The following POLE variants were observed in gnomAD, a reference collection of about 807,000 sequenced individuals.
The protein encoded by POLE is DNA polymerase epsilon, catalytic subunit, also known as DNA polymerase epsilon catalytic subunit A.
POLE carries 188 observed loss-of-function variants against 279.2 expected under a neutral mutation model. The observed-to-expected ratio is 0.67, with a 90% confidence interval of 0.60 to 0.76. The LOEUF (loss-of-function observed/expected upper bound fraction) is 0.76, where lower values mean the gene tolerates loss of function less well. Among genes scored for constraint, POLE ranks in the 30% least tolerant of loss-of-function variants. POLE has a pLI of 0.00. For missense variants in POLE, 2,703 were observed against 3,016.7 expected, an observed-to-expected ratio of 0.90 and a Z score of 2.44; for synonymous variants, 1,214 against 1,172.5, an observed-to-expected ratio of 1.04 and a Z score of -0.72.
rs2135977079 is a variant in POLE at position 132,668,567 on chromosome 12, G to A, written c.2027-65C>T. On this transcript the variant is annotated intron_variant, in intron 18 of 48. Transcript: ENST00000320574. This position sits in a 1 kb window ranked among gnomAD's most constrained non-coding sequence, Gnocchi z 4.0. ...CAGACACACCGGCTTCCCACCAAGT[G>A]GAGAAAGGCGGCCGACACTCACCCA... The A allele has an allele frequency of 6.9e-6, 11 of 1,583,800 alleles. No individual in the cohort carries two copies. The highest frequency in any genetic ancestry group is 1.1e-5 in the South Asian group (1 of 88,904).
At chr12:132,638,921 C>G in intron 40 of POLE, 1 of 581,946 alleles carries the variant, frequency 1.7e-6, no homozygotes, top group Non-Finnish European at 3.1e-6. Context: ...GAGGTGCCAC[C>G]TAGTGTTCTC....
chr12:132,642,714 G>GC lies in POLE; in HGVS notation c.4743dup (p.Pro1582AlafsTer18), dbSNP rs1593731554. 6.2e-7 allele frequency: 1 copy of GC among 1,613,542 alleles called. No homozygotes were observed. The highest frequency in any genetic ancestry group is 8.5e-7 in the Non-Finnish European group (1 of 1,179,746). On this transcript the variant is annotated frameshift_variant, in exon 37 of 49. Transcript: ENST00000320574. LOFTEE classifies it high-confidence loss of function. ...CTGGACTGAACAGCGATGAGTGTGG[G>GC]CCCCCGGCGCTCCTCCTGGGTCAAG...
At chr12:132,646,589 T>C (rs1472188433) in intron 32 of POLE, among the ~76,000 whole-genome samples, 4 of 150,910 alleles carry the variant, frequency 2.7e-5, no homozygotes, top group Non-Finnish European at 5.9e-5. Context: ...CCCAGCACTT[T>C]GGGAGGCCGA....
chr12:132,643,487 A>G lies in POLE; in HGVS notation c.4364T>C (p.Leu1455Pro). 1 of 1,614,194 alleles carries G rather than the reference A, an allele frequency of 6.2e-7. No individual in the cohort carries two copies. The highest frequency in any genetic ancestry group is 1.7e-4 in the Middle Eastern group (1 of 6,060). ...CVVNKQLVRH[L>P]SGWEAETFAL... ...AAAGGTCTCTGCTTCCCAGCCTGAA[A>G]GGTGCCTCACCAGCTGTTTATTGAC... Residue 1455 changes from leucine (L) to proline (P), a missense_variant, in exon 34 of 49, where the codon CTT becomes CCT. Physicochemically the swap from Leu to Pro is moderately conservative, Grantham distance 98 (BLOSUM62 -3). Coordinates refer to ENST00000320574, the MANE Select transcript of POLE (RefSeq NM_006231.4).
Position 132,642,666 on chromosome 12 carries a change from T to G in POLE, c.4792A>C (p.Ser1598Arg), listed in dbSNP as rs776538943. ...AATTCCTCCAAGACAGGAATTTCAC[T>G]GGCCAGCCTCTTCAGCTCCCAGCTG... is the stretch of plus-strand genomic sequence containing the variant. ...QSSWELKRLASEIPVLEEFPL... is the reference protein window; with the variant it reads ...QSSWELKRLAREIPVLEEFPL... Residue 1598 changes from serine to arginine, a missense_variant, in exon 37 of 49, where the codon AGT (serine) becomes CGT (arginine). Around this residue, in one of 5 missense-constraint regions of POLE, gnomAD observed 1,551 missense variants for 1,686.1 expected, o/e 0.92. Coordinates refer to ENST00000320574, the MANE Select transcript of POLE (RefSeq NM_006231.4). 39 of 1,613,282 alleles carry G rather than the reference T, an allele frequency of 2.4e-5. No homozygotes were observed. Among genetic ancestry groups the G allele is most frequent in the Non-Finnish European group, 3.1e-5 (37 of 1,180,026 alleles).
intron 39 of POLE, among the ~76,000 whole-genome samples, chr12:132,640,791 T>C (rs1026957019): frequency 2.0e-5 from 3 of 152,184 alleles, no homozygotes; most frequent in African/African-American, 7.2e-5. Flanking sequence ...GAGCGGCAGT[T>C]TGGGTATCTG....
chr12:132,683,348 G>C (rs567685517), intron 1 of POLE, among the ~76,000 whole-genome samples: 1 of 152,268 alleles, frequency 6.6e-6, no homozygotes, highest in African/African-American at 2.4e-5. Flanking sequence ...GAGAGGAGAT[G>C]CAACCCTTGG....
chr12:132,642,422 C>T (rs781026935), intron 37 of POLE, 25 bp from the exon 38 acceptor site: 66 of 1,591,280 alleles, frequency 4.1e-5, no homozygotes, highest in Middle Eastern at 1.7e-4. Flanking sequence ...AGGTCAGCAC[C>T]GGGGCACATC....
At chr12:132,686,652 T>C (rs1200640488) in intron 1 of POLE, among the ~76,000 whole-genome samples, 1 of 151,988 alleles carries the variant, frequency 6.6e-6, no homozygotes, top group African/African-American at 2.4e-5. Context: ...GCGGGATCGC[T>C]TGAACCCGGG....
chr12:132,667,918 C>T (rs745640672), intron 19 of POLE, among the ~76,000 whole-genome samples: 66 of 151,904 alleles, frequency 4.3e-4, no homozygotes, highest in Non-Finnish European at 7.4e-4. Flanking sequence ...CCCATCTCTA[C>T]AAAAAATACA....
intron 45 of POLE, among the ~76,000 whole-genome samples, chr12:132,628,822 A>G (rs1464405471): frequency 2.0e-5 from 3 of 152,242 alleles, no homozygotes; most frequent in African/African-American, 7.2e-5. Context: ...CCACATCTGC[A>G]GTCACGCCTC....
Position 132,641,845 on chromosome 12 carries a change from A to G in POLE, c.5180T>C (p.Val1727Ala). The G allele has an allele frequency of 6.3e-7, 1 of 1,599,862 alleles. No individual in the cohort carries two copies. Among genetic ancestry groups the G allele is most frequent in the Non-Finnish European group, 8.5e-7 (1 of 1,179,824 alleles). ...NSSGCYSTVC[V>A]ELDLQNLAVN... ...GGCCAGGTTCTGAAGGTCCAGCTCC[A>G]CACACACTGCACAGGAAGACGCCAT... is the stretch of plus-strand genomic sequence containing the variant. The change falls in exon 39 of 49, where the codon GTG becomes GCG. Residue 1727 changes from valine to alanine, a missense_variant. Coordinates refer to ENST00000320574, the MANE Select transcript of POLE (RefSeq NM_006231.4).
chr12:132,659,323 T>G lies in POLE; in HGVS notation c.3247A>C (p.Lys1083Gln), dbSNP rs1260941612. The G allele has an allele frequency of 5.6e-6, 9 of 1,611,950 alleles. No homozygotes were observed. The highest frequency in any genetic ancestry group is 7.6e-6 in the Non-Finnish European group (9 of 1,180,002). Residue 1083 changes from lysine (K) to glutamine (Q), a missense_variant, in exon 26 of 49, where the codon AAG (lysine) becomes CAG (glutamine). Physicochemically the swap from Lys to Gln is moderately conservative, Grantham distance 53. Coordinates refer to ENST00000320574, the MANE Select transcript of POLE (RefSeq NM_006231.4). ...TCCGTGACAGGGGAGCCCTCGGGCTTGCGGGAGATGATGTAGCGGCAACTC... is the reference window on the plus strand; with the variant it reads ...TCCGTGACAGGGGAGCCCTCGGGCTGGCGGGAGATGATGTAGCGGCAACTC... The part of the protein sequence containing the change: ...GLSCRYIISR[K>Q]PEGSPVTERA...
chr12:132,659,620 G>A, intron 25 of POLE, 111 bp from the exon 26 acceptor site: 1 of 824,100 alleles, frequency 1.2e-6, no homozygotes, highest in South Asian at 1.7e-5. Context: ...GACGCAGAAG[G>A]CTGCAATTTC....
Position 132,680,222 on chromosome 12 carries a change from C to T in POLE, c.286G>A (p.Val96Met). Reference sequence around the variant, plus strand: ...AAATACGGTTTATAGGGCAAAGCCACCTGTTAAGAGTCACCAACCCATCCA... The same window carrying T: ...AAATACGGTTTATAGGGCAAAGCCATCTGTTAAGAGTCACCAACCCATCCA... ...FIQDDGSRFK[V>M]ALPYKPYFYI... Residue 96 changes from valine (V) to methionine (M), a missense_variant and splice_region_variant, in exon 4 of 49, where the codon GTG becomes ATG. Physicochemically the swap from Val to Met is conservative, Grantham distance 21. Around this residue, in one of 5 missense-constraint regions of POLE, gnomAD observed 1,011 missense variants for 1,111.7 expected, o/e 0.91. Coordinates refer to ENST00000320574, the MANE Select transcript of POLE (RefSeq NM_006231.4). 3 of 1,613,898 alleles carry T rather than the reference C, an allele frequency of 1.9e-6. No homozygotes were observed. The highest frequency in any genetic ancestry group is 2.5e-6 in the Non-Finnish European group (3 of 1,179,794).
chr12:132,634,515 C>G lies in POLE; in HGVS notation c.5812-137G>C. The G allele has an allele frequency of 1.2e-6, 1 of 823,346 alleles. No homozygotes were observed. Among genetic ancestry groups the G allele is most frequent in the Non-Finnish European group, 2.0e-6 (1 of 512,508 alleles). The allele number at this position is 823,346 out of a possible 1,614,324, so 51.0% of individuals were successfully genotyped here. Reference sequence around the variant, plus strand: ...GAGGCCTTCCTCGCAGTCAAGGCATCCCCTGGAGCCTGCGTGAATCCCCCA... The same window carrying G: ...GAGGCCTTCCTCGCAGTCAAGGCATGCCCTGGAGCCTGCGTGAATCCCCCA... On this transcript the variant is annotated intron_variant, in intron 42 of 48. Coordinates refer to ENST00000320574, the MANE Select transcript of POLE (RefSeq NM_006231.4). This position sits in a 1 kb window ranked among gnomAD's most constrained non-coding sequence, Gnocchi z 4.0.
rs2041790307 is a variant in POLE at position 132,624,553 on chromosome 12, T to C, written c.*144A>G. The C allele has an allele frequency of 9.0e-6, 6 of 670,310 alleles. No individual in the cohort carries two copies. The highest frequency in any genetic ancestry group is 2.6e-5 in the East Asian group (1 of 38,862). 41.5% of individuals were successfully genotyped at this position (670,310 alleles called of 1,614,324 possible). On this transcript the variant is annotated 3_prime_UTR_variant, in exon 49 of 49. Transcript: ENST00000320574. Reference sequence around the variant, plus strand: ...TGAGCTCCCTGAAAATGGTTTTCTTTGGTTTCCTCCCCGTTCCCTGGCCTG... The same window carrying C: ...TGAGCTCCCTGAAAATGGTTTTCTTCGGTTTCCTCCCCGTTCCCTGGCCTG...
At chr12:132,654,777 A>G (rs758876666) in intron 29 of POLE, among the ~76,000 whole-genome samples, 2 of 152,212 alleles carry the variant, frequency 1.3e-5, no homozygotes, top group Non-Finnish European at 2.9e-5. Context: ...GGGTGACACA[A>G]TGAGACCCTG....
At chr12:132,662,840 G>C (rs958500222) in intron 23 of POLE, among the ~76,000 whole-genome samples, 1 of 152,198 alleles carries the variant, frequency 6.6e-6, no homozygotes, top group Non-Finnish European at 1.5e-5. Flanking sequence ...CCGGTCCTAT[G>C]AACAATAACC....
Sources: allele counts gnomAD v4.1 joint callset (sites outside exome capture counted in the v4.1 genomes callset), GRCh38; gene constraint gnomAD v4.1.1; regional missense constraint gnomAD v4.1.1; non-coding constraint Gnocchi (gnomAD v3.1); transcripts MANE v1.5; gene names NCBI Gene and HGNC (gene_info 2026-07-23, HGNC 2026-07-21).